Variants in EVC observed in about 807,000 individuals in gnomAD.
EVC encodes evC complex member EVC.
In EVC, 116 loss-of-function variants were observed where a neutral mutation model predicts 118.9. That is an observed-to-expected ratio of 0.98 (90% CI 0.84 to 1.14). The LOEUF is 1.14. EVC is among the 50% of genes most tolerant of loss of function. The pLI is 0.00. For missense variants in EVC, 1,401 were observed against 1,246.4 expected, an observed-to-expected ratio of 1.12 and a Z score of -1.87; for synonymous variants, 619 against 534.7, an observed-to-expected ratio of 1.16 and a Z score of -2.18.
rs373718642 is a variant in EVC, at chr4:5,753,050, G to A, written c.1313G>A (p.Arg438Gln). ...TGGCAGGAGGCAGAGCGCTTCAGCC[G>A]GGGTGAGCCGTGGGCATGGGTGCCG... ...AFWQEAERFS[R>Q]EFVQRGKDLV... The change falls in exon 9 of 21, where the codon CGG (arginine) becomes CAG (glutamine). Residue 438 changes from arginine to glutamine, a missense_variant and splice_region_variant. Arg to Gln is a conservative substitution (Grantham distance 43, BLOSUM62 1). Transcript: ENST00000264956. 4.3e-4 allele frequency: 680 copies of A among 1,588,120 alleles called. 7 individuals are homozygous for A. The South Asian group carries it at 6.6e-3, about 15-fold the overall frequency.
intron 11 of EVC, among the ~76,000 whole-genome samples, chr4:5,767,922 C>T (rs1388560155): frequency 6.6e-6 from 1 of 152,218 alleles, no homozygotes; most frequent in Non-Finnish European, 1.5e-5. Context: ...ATCTTGGCCC[C>T]TCCCCCCACC....
the EVC span, chr4:5,826,033 G>A: frequency 2.3e-5 from 7 of 305,352 alleles, no homozygotes; most frequent in African/African-American, 1.4e-4. Flanking sequence ...ATCACATACA[G>A]ATCTTCACAA....
intron 2 of EVC, among the ~76,000 whole-genome samples, chr4:5,726,840 C>T (rs552609131): frequency 5.3e-5 from 8 of 149,630 alleles, no homozygotes; most frequent in African/African-American, 7.4e-5. Context: ...TTTGTTCTTG[C>T]GATAGTTTAC....
At chr4:5,735,186 A>G (rs576874723) in intron 5 of EVC, among the ~76,000 whole-genome samples, 20 of 152,336 alleles carry the variant, frequency 1.3e-4, no homozygotes, top group Non-Finnish European at 2.2e-4. Flanking sequence ...CAGATGTCAC[A>G]AAATAAACGG....
At chr4:5,763,641 A>C (rs58115675) in intron 11 of EVC, among the ~76,000 whole-genome samples, 1 of 98,874 alleles carries the variant, frequency 1.0e-5, no homozygotes, top group Admixed American at 1.3e-4. Flanking sequence ...GGATTCCTAG[A>C]TATTTTATTC....
chr4:5,776,416 T>C (rs529600714), intron 11 of EVC, among the ~76,000 whole-genome samples: 1 of 152,248 alleles, frequency 6.6e-6, no homozygotes, highest in African/African-American at 2.4e-5. Flanking sequence ...TTAAAAAATA[T>C]TTACCTGAGT....
chr4:5,741,066 A>C (rs1216386996), intron 5 of EVC, among the ~76,000 whole-genome samples: 2 of 152,248 alleles, frequency 1.3e-5, no homozygotes, highest in Admixed American at 1.3e-4. Context: ...TGCAGTTACC[A>C]GAAGACCCAG....
intron 5 of EVC, among the ~76,000 whole-genome samples, chr4:5,733,677 T>A (rs191945285): frequency 1.3e-5 from 2 of 152,152 alleles, no homozygotes; most frequent in African/African-American, 2.4e-5. Flanking sequence ...AGCAGAAAGA[T>A]GAGTGCCTCC....
chr4:5,730,714 C>G (rs528347274), intron 3 of EVC, among the ~76,000 whole-genome samples: 6 of 151,914 alleles, frequency 3.9e-5, no homozygotes, highest in African/African-American at 1.2e-4. Context: ...GAGGAAGGGA[C>G]GCTTCTGCCC....
At chr4:5,758,172 C>A in intron 11 of EVC, 1 of 700,632 alleles carries the variant, frequency 1.4e-6, no homozygotes, top group Non-Finnish European at 2.6e-6. Context: ...CCGAGGAACA[C>A]CTGCAGCCAC....
chr4:5,778,612 T>G (rs1735089707), intron 11 of EVC, among the ~76,000 whole-genome samples: 1 of 152,190 alleles, frequency 6.6e-6, no homozygotes. Context: ...TTTTTTCATG[T>G]GTTTTTTTGG....
At chr4:5,723,383 C>G (rs6852571) in intron 2 of EVC, among the ~76,000 whole-genome samples, 4 of 151,800 alleles carry the variant, frequency 2.6e-5, no homozygotes, top group Admixed American at 6.6e-5. Context: ...TAGAGGCGGG[C>G]TTCCACCATG....
At chr4:5,805,657 T>A (rs1272358131) in intron 17 of EVC, among the ~76,000 whole-genome samples, 3 of 152,122 alleles carry the variant, frequency 2.0e-5, no homozygotes, top group African/African-American at 7.2e-5. Flanking sequence ...GCCGCACCTC[T>A]CCGCACCAAG....
downstream of EVC, among the ~76,000 whole-genome samples, chr4:5,817,301 C>T (rs1717864160): frequency 6.6e-6 from 1 of 152,178 alleles, no homozygotes; most frequent in Non-Finnish European, 1.5e-5. Context: ...CCCCAAGCTA[C>T]CCACGTGGTG....
Position 5,746,636 on chromosome 4 carries a change from A to C in EVC, c.939+1295A>C, listed in dbSNP as rs995161418. On this transcript the variant is annotated intron_variant, in intron 7 of 20. Transcript: ENST00000264956. The surrounding 1 kb of genome is among the most constrained non-coding windows in gnomAD (Gnocchi z 5.8). ...CAGCCTGGATTCCGGTGGTCCACAG[A>C]ACCCCCAACGCTGTGTGCAGTATCT... Among the ~76,000 whole-genome samples the C allele has an allele frequency of 6.6e-6, 1 of 152,156 alleles. No homozygotes were observed. The highest frequency in any genetic ancestry group is 6.5e-5 in the Admixed American group (1 of 15,284).
At position 5,782,426 on chromosome 4, in the gene EVC, C is replaced by G. The variant is rs71599828; in HGVS notation, c.1564-1126C>G. On this transcript the variant is annotated intron_variant, in intron 11 of 20. Transcript: ENST00000264956. ...TTTTTTTTTTTTTGAGACGGAGTCT[C>G]TCTGTCGCCCAGGCTGGAGTGCAGT... Among the ~76,000 whole-genome samples, 25 of 108,282 alleles carry G rather than the reference C, an allele frequency of 2.3e-4. No homozygotes were observed. In the East Asian group the frequency reaches 3.6e-3, roughly 16 times the overall value. 71.0% of individuals were successfully genotyped at this position (108,282 alleles called of 152,430 possible).
At chr4:5,823,193 A>G in the EVC span, among the ~76,000 whole-genome samples, 19 of 152,198 alleles carry the variant, frequency 1.2e-4, no homozygotes, top group Non-Finnish European at 2.1e-4. Flanking sequence ...TTTCTGCACA[A>G]TAAGAACAGT....
chr4:5,794,900 T>C (rs1160081688), intron 13 of EVC, among the ~76,000 whole-genome samples: 1 of 152,132 alleles, frequency 6.6e-6, no homozygotes, highest in African/African-American at 2.4e-5. Flanking sequence ...GGCCCCCTCT[T>C]GTAGACCCCA....
chr4:5,759,002 C>T (rs1299931351), intron 11 of EVC, among the ~76,000 whole-genome samples: 1 of 151,808 alleles, frequency 6.6e-6, no homozygotes, highest in Non-Finnish European at 1.5e-5. Context: ...AACTCCCTTT[C>T]TGGGGAGTCT....
Sources: allele counts gnomAD v4.1 joint callset (sites outside exome capture counted in the v4.1 genomes callset), GRCh38; gene constraint gnomAD v4.1.1; non-coding constraint Gnocchi (gnomAD v3.1); transcripts MANE v1.5; gene names NCBI Gene and HGNC (gene_info 2026-07-23, HGNC 2026-07-21).